The following HPS3 variants were observed in gnomAD, a reference collection of about 807,000 sequenced individuals.
HPS3 encodes the protein BLOC-2 complex member HPS3.
Under a neutral mutation model 110.9 loss-of-function variants are expected in HPS3, and 79 were observed. The observed-to-expected ratio is 0.71, with a 90% CI of 0.59 to 0.86. The LOEUF is 0.86. Among genes scored for constraint, HPS3 ranks in the 40% least tolerant of loss-of-function variants. HPS3 has a pLI of 0.00. For missense variants in HPS3, 1,197 were observed against 1,206.2 expected (o/e 0.99, Z 0.11); for synonymous variants, 428 against 451.0 (o/e 0.95, Z 0.65).
chr3:149,148,949 C>CT lies in HPS3; in HGVS notation c.1164-1628dup, dbSNP rs140573513. The stretch of plus-strand genomic sequence containing the variant: ...GTGGAGGTAAGTCAGGGAACCCTGC[C>CT]TTTTTTTTTTTTTTTTTTTTTTGAG... On this transcript the variant is annotated intron_variant, in intron 5 of 16. Coordinates refer to ENST00000296051, the MANE Select transcript of HPS3 (RefSeq NM_032383.5). 7.6e-3 allele frequency among the ~76,000 whole-genome samples: 783 copies of CT among 102,460 alleles called. 6 individuals carry two copies. The highest frequency in any genetic ancestry group is 0.012 in the African/African-American group (331 of 26,950). 67.2% of individuals were successfully genotyped at this position (102,460 alleles called of 152,430 possible).
chr3:149,133,853 C>T (rs1721917364), intron 1 of HPS3, among the ~76,000 whole-genome samples: 1 of 152,060 alleles, frequency 6.6e-6, no homozygotes, highest in African/African-American at 2.4e-5. Flanking sequence ...AGACTATAAT[C>T]TAGTACAAAC....
Position 149,129,940 on chromosome 3 carries a change from G to A in HPS3, c.217G>A (p.Gly73Arg). 1 of 1,541,710 alleles carries A rather than the reference G, an allele frequency of 6.5e-7. No individual in the cohort carries two copies. Among genetic ancestry groups the A allele is most frequent in the Non-Finnish European group, 8.7e-7 (1 of 1,150,108 alleles). ...GTTGCGCCTGGCCTACAGCGAGGCT[G>A]GTGAGTAATCTAGAGAGCCAGGGGC... is the stretch of plus-strand genomic sequence containing the variant. Reference protein sequence around the residue: ...RVLRLAYSEAGDYLVAIEEKN... With the variant: ...RVLRLAYSEARDYLVAIEEKN... Residue 73 changes from glycine (G) to arginine (R), a missense_variant and splice_region_variant, in exon 1 of 17, where the codon GGA becomes AGA. Transcript: ENST00000296051.
At chr3:149,133,057 G>A (rs1166527089) in intron 1 of HPS3, among the ~76,000 whole-genome samples, 1 of 152,200 alleles carries the variant, frequency 6.6e-6, no homozygotes. Context: ...GGTTTCTTGA[G>A]ATGGAATTGT....
intron 1 of HPS3, among the ~76,000 whole-genome samples, chr3:149,134,382 GAGAA>G (rs142001462): frequency 0.02 from 3,115 of 152,286 alleles, 116 homozygotes; most frequent in African/African-American, 0.071. Flanking sequence ...GTGTGAGAGA[GAGAA>G]AGAAAGACAG....
chr3:149,166,462 C>G (rs572345223), intron 14 of HPS3, among the ~76,000 whole-genome samples: 1 of 152,170 alleles, frequency 6.6e-6, no homozygotes, highest in Admixed American at 6.5e-5. Context: ...GTGCATTTAC[C>G]TATGTAGATT....
chr3:149,170,037 G>C (rs1432581044), intron 16 of HPS3, among the ~76,000 whole-genome samples: 1 of 152,146 alleles, frequency 6.6e-6, no homozygotes, highest in Non-Finnish European at 1.5e-5. Context: ...CCCTAAATCA[G>C]GCCTAATACC....
intron 1 of HPS3, 71 bp downstream of exon 1, chr3:149,130,011 C>T: frequency 7.1e-7 from 1 of 1,398,894 alleles, no homozygotes; most frequent in Non-Finnish European, 9.8e-7. Context: ...GACCGAACGT[C>T]TGGGCTGTAG....
Position 149,145,659 on chromosome 3 carries a change from G to A in HPS3, c.1163+113G>A, listed in dbSNP as rs185367412. Reference sequence around the variant, plus strand: ...CTAGCATAGAGTACTATAAATGCATGAGTTACATGTCATTGTAAGTCTGTC... The same window carrying A: ...CTAGCATAGAGTACTATAAATGCATAAGTTACATGTCATTGTAAGTCTGTC... On this transcript the variant is annotated intron_variant, in intron 5 of 16. Coordinates refer to ENST00000296051, the MANE Select transcript of HPS3 (RefSeq NM_032383.5). 263 of 838,864 alleles carry A rather than the reference G, an allele frequency of 3.1e-4. No individual in the cohort carries two copies. In the African/African-American group the frequency reaches 3.7e-3, roughly 12 times the overall value. 52.0% of individuals were successfully genotyped at this position (838,864 alleles called of 1,614,324 possible). A position where few individuals can be genotyped will look rare whatever the true frequency, so the allele number is the denominator to read the frequency against.
At chr3:149,156,946 A>C (rs558752793) in intron 8 of HPS3, among the ~76,000 whole-genome samples, 2 of 152,178 alleles carry the variant, frequency 1.3e-5, no homozygotes, top group Non-Finnish European at 2.9e-5. Flanking sequence ...TCAAAACTAA[A>C]ATAAGGGAAG....
In HPS3 at chr3:149,150,693, T is replaced by C; in HGVS notation, c.1245+13T>C. The C allele has an allele frequency of 6.2e-7, 1 of 1,601,234 alleles. No individual in the cohort carries two copies. On this transcript the variant is annotated intron_variant, in intron 6 of 16. Transcript: ENST00000296051. ...CACCACCCTGAAGGTAAGAACTGGC[T>C]TATGAAGATAGTGAAACCTTAAGAT...
intron 14 of HPS3, among the ~76,000 whole-genome samples, chr3:149,165,083 A>G (rs34736153): frequency 6.6e-6 from 1 of 152,138 alleles, no homozygotes; most frequent in Non-Finnish European, 1.5e-5. Context: ...ATAACCAAAG[A>G]AGATTCTTCT....
At chr3:149,168,150 T>TA in intron 16 of HPS3, 167 bp downstream of exon 16, 1 of 608,094 alleles carries the variant, frequency 1.6e-6, no homozygotes, top group East Asian at 2.8e-5. Context: ...TGACATTTGA[T>TA]ATTGATTTAT....
intron 5 of HPS3, 30 bp downstream of exon 5, chr3:149,145,576 T>G: frequency 6.4e-7 from 1 of 1,574,514 alleles, no homozygotes; most frequent in Non-Finnish European, 8.7e-7. Context: ...TGCTGGCCTG[T>G]GAGTCACTTA....
chr3:149,138,205 T>C (rs1034377646), intron 1 of HPS3, among the ~76,000 whole-genome samples: 1 of 152,172 alleles, frequency 6.6e-6, no homozygotes, highest in Admixed American at 6.5e-5. Context: ...GCTTGCTACC[T>C]GTAGAAGTCA....
At chr3:149,130,852 T>A (rs1721718975) in intron 1 of HPS3, among the ~76,000 whole-genome samples, 1 of 152,172 alleles carries the variant, frequency 6.6e-6, no homozygotes, top group South Asian at 2.1e-4. Flanking sequence ...ACTGTGTGGG[T>A]GAATCCTATT....
chr3:149,143,057 GGGGCTGCAGTGAGACA>G (rs1722578286), intron 4 of HPS3, among the ~76,000 whole-genome samples: 1 of 152,146 alleles, frequency 6.6e-6, no homozygotes, highest in African/African-American at 2.4e-5. Context: ...CAAAACTAAG[GGGGCTGCAGTGAGACA>G]GGGCTGGAGA....
chr3:149,151,587 TAA>T (rs1167453087), intron 6 of HPS3, among the ~76,000 whole-genome samples: 1,238 of 40,338 alleles, frequency 0.031, 57 homozygotes, highest in African/African-American at 0.093. Context: ...GCTTGGTTTC[TAA>T]AAAAAAAAAA....
intron 4 of HPS3, among the ~76,000 whole-genome samples, chr3:149,142,033 A>G (rs1382810772): frequency 6.6e-6 from 1 of 151,772 alleles, no homozygotes; most frequent in Non-Finnish European, 1.5e-5. Context: ...TATTTTTAGT[A>G]GAGATGGGGT....
At chr3:149,156,681 C>T (rs1170607097) in intron 8 of HPS3, among the ~76,000 whole-genome samples, 1 of 151,698 alleles carries the variant, frequency 6.6e-6, no homozygotes, top group Non-Finnish European at 1.5e-5. Flanking sequence ...TGCTGTTCAT[C>T]TACCCCTCTT....
Sources: gnomAD v4.1 joint callset for allele counts (sites outside exome capture counted in the v4.1 genomes callset) on GRCh38, gnomAD v4.1.1 for gene constraint, MANE v1.5 for transcripts, NCBI Gene and HGNC (gene_info 2026-07-23, HGNC 2026-07-21) for gene names.